Variants in PPP3CA observed in about 807,000 individuals in gnomAD.
The protein encoded by PPP3CA is protein phosphatase 3 catalytic subunit alpha.
A neutral mutation model predicts 66.5 loss-of-function variants in PPP3CA; 14 were observed. The ratio of observed to expected loss-of-function variants is 0.21; its 90% CI spans 0.14 to 0.33. The LOEUF (loss-of-function observed/expected upper bound fraction) is 0.33. Among genes scored for constraint, PPP3CA ranks in the 10% least tolerant of loss-of-function variants. PPP3CA has a pLI of 1.00. For missense variants in PPP3CA, 317 were observed against 639.5 expected (o/e 0.50, Z 5.44); for synonymous variants, 232 against 226.2 (o/e 1.03, Z -0.23).
chr4:101,324,184 G>A (rs1236788696), intron 1 of PPP3CA, among the ~76,000 whole-genome samples: 1 of 137,736 alleles, frequency 7.3e-6, no homozygotes, highest in African/African-American at 2.7e-5. Context: ...AAGGAAGGAA[G>A]GAAGGAAGGA....
intron 2 of PPP3CA, among the ~76,000 whole-genome samples, chr4:101,132,579 A>T (rs1365254673): frequency 6.6e-6 from 1 of 152,228 alleles, no homozygotes; most frequent in African/African-American, 2.4e-5. Context: ...ATAGACCAAT[A>T]ACAAGTCTGA....
intron 2 of PPP3CA, among the ~76,000 whole-genome samples, chr4:101,161,565 G>C (rs180968571): frequency 8.1e-4 from 123 of 152,238 alleles, no homozygotes; most frequent in Non-Finnish European, 1.4e-3. Context: ...AGCTCTAGAA[G>C]ACTGGCAGTC....
At chr4:101,245,649 T>G (rs1246088606) in intron 1 of PPP3CA, among the ~76,000 whole-genome samples, 1 of 152,110 alleles carries the variant, frequency 6.6e-6, no homozygotes, top group East Asian at 1.9e-4. Context: ...AATAGGTAAA[T>G]AGATCCTCTA....
At chr4:101,253,954 C>T (rs576273962) in intron 1 of PPP3CA, among the ~76,000 whole-genome samples, 67 of 152,152 alleles carry the variant, frequency 4.4e-4, no homozygotes, top group African/African-American at 1.5e-3. Flanking sequence ...GAACTCTGTA[C>T]ACTCTCTTTG....
chr4:101,165,407 T>C (rs1723662314), intron 2 of PPP3CA, among the ~76,000 whole-genome samples: 1 of 150,050 alleles, frequency 6.7e-6, no homozygotes, highest in African/African-American at 2.5e-5. Context: ...TCTATTTTTT[T>C]ACCTGTACAA....
intron 8 of PPP3CA, among the ~76,000 whole-genome samples, chr4:101,063,620 C>G (rs1255149414): frequency 6.6e-6 from 1 of 151,892 alleles, no homozygotes; most frequent in African/African-American, 2.4e-5. Flanking sequence ...AATCCAATGT[C>G]TGTCAGGAAC....
At chr4:101,091,865 G>A (rs369643886) in intron 6 of PPP3CA, among the ~76,000 whole-genome samples, 77 of 124,416 alleles carry the variant, frequency 6.2e-4, no homozygotes, top group African/African-American at 1.7e-3. Context: ...TAATAATAAT[G>A]AAGAAGAGGA....
chr4:101,118,394 TA>T (rs34389234), intron 2 of PPP3CA, among the ~76,000 whole-genome samples: 20,209 of 151,998 alleles, frequency 0.13, 2,246 homozygotes, highest in African/African-American at 0.29. Context: ...TTTAAAGGAC[TA>T]TCATGAAACC....
At chr4:101,121,822 C>T (rs185106291) in intron 2 of PPP3CA, among the ~76,000 whole-genome samples, 3 of 152,150 alleles carry the variant, frequency 2.0e-5, no homozygotes, top group Admixed American at 2.0e-4. Flanking sequence ...GATATACAGA[C>T]TTACACATAT....
intron 10 of PPP3CA, among the ~76,000 whole-genome samples, chr4:101,057,405 T>A (rs2110222360): frequency 1.3e-5 from 2 of 152,356 alleles, no homozygotes; most frequent in East Asian, 3.9e-4. Context: ...GTATTTCTTC[T>A]TAAATGGCAA....
intron 1 of PPP3CA, among the ~76,000 whole-genome samples, chr4:101,345,720 T>G (rs944895958): frequency 3.3e-5 from 5 of 152,140 alleles, no homozygotes; most frequent in Admixed American, 6.5e-5. Flanking sequence ...CCACAGCCTG[T>G]CCCCTTCCTC....
intron 2 of PPP3CA, among the ~76,000 whole-genome samples, chr4:101,150,984 T>C (rs902941081): frequency 2.0e-5 from 3 of 152,174 alleles, no homozygotes; most frequent in Non-Finnish European, 2.9e-5. Flanking sequence ...CAAAGGTCTA[T>C]TGAAAAGAAA....
intron 2 of PPP3CA, among the ~76,000 whole-genome samples, chr4:101,111,645 G>T (rs138264653): frequency 4.6e-5 from 7 of 152,212 alleles, no homozygotes; most frequent in Admixed American, 3.3e-4. Context: ...CACTACCGAG[G>T]CTCCAACCCT....
chr4:101,181,355 C>T (rs189531095), intron 2 of PPP3CA, among the ~76,000 whole-genome samples: 23 of 152,100 alleles, frequency 1.5e-4, no homozygotes, highest in Middle Eastern at 3.4e-3. Flanking sequence ...ATACTCAATA[C>T]TCTAAAAACC....
intron 1 of PPP3CA, among the ~76,000 whole-genome samples, chr4:101,280,982 G>A (rs1166766155): frequency 6.6e-6 from 1 of 152,106 alleles, no homozygotes; most frequent in Admixed American, 6.6e-5. Flanking sequence ...AAAAATGACT[G>A]AGAGAGAACA....
At chr4:101,042,173 C>CG (rs1401063502) in intron 10 of PPP3CA, among the ~76,000 whole-genome samples, 1 of 91,164 alleles carries the variant, frequency 1.1e-5, no homozygotes, top group East Asian at 2.9e-4. Flanking sequence ...AAGGTCTTTG[C>CG]TTTTTTTTTT....
chr4:101,225,659 G>A (rs2110218115), intron 1 of PPP3CA, among the ~76,000 whole-genome samples: 1 of 151,734 alleles, frequency 6.6e-6, no homozygotes, highest in African/African-American at 2.4e-5. Flanking sequence ...GAGATTTTCT[G>A]GCAGTTAAGA....
At chr4:101,049,740 A>C (rs1241109492) in intron 10 of PPP3CA, among the ~76,000 whole-genome samples, 1 of 152,160 alleles carries the variant, frequency 6.6e-6, no homozygotes, top group South Asian at 2.1e-4. Context: ...GCATGATAAC[A>C]TGTAACAAAG....
chr4:101,217,778 G>A (rs941474202), intron 1 of PPP3CA, among the ~76,000 whole-genome samples: 3 of 151,978 alleles, frequency 2.0e-5, no homozygotes, highest in Non-Finnish European at 4.4e-5. Context: ...TTTAAATCAC[G>A]AATCAGCCTA....
Sources: allele counts gnomAD v4.1 joint callset (sites outside exome capture counted in the v4.1 genomes callset), GRCh38; gene constraint gnomAD v4.1.1; transcripts MANE v1.5; gene names NCBI Gene and HGNC (gene_info 2026-07-23, HGNC 2026-07-21).